The following SYT13 variants were observed in gnomAD, a reference collection of about 807,000 sequenced individuals.
SYT13 encodes the protein synaptotagmin-13.
Under a neutral mutation model 38.6 loss-of-function variants are expected in SYT13, and 21 were observed. That is an observed-to-expected ratio of 0.54 (90% confidence interval 0.39 to 0.78). SYT13 has a LOEUF of 0.78. Among genes scored for constraint, SYT13 ranks in the 30% least tolerant of loss-of-function variants. The pLI, the probability that SYT13 is intolerant of heterozygous loss-of-function variation, is 0.00. For missense variants in SYT13, 495 were observed against 548.7 expected (o/e 0.90, Z 0.98); for synonymous variants, 241 against 237.6 (o/e 1.01, Z -0.13).
chr11:45,269,245 C>T lies in SYT13; in HGVS notation c.184-13354G>A, dbSNP rs183557795. On this transcript the variant is annotated intron_variant, in intron 1 of 5. Coordinates refer to ENST00000020926, the MANE Select transcript of SYT13 (RefSeq NM_020826.3). Reference sequence around the variant, plus strand: ...GTCCGCAGGTGCAATACAGCTAAAACCCAATGAGAGGAGGAGGGTGAATGT... The same window carrying T: ...GTCCGCAGGTGCAATACAGCTAAAATCCAATGAGAGGAGGAGGGTGAATGT... 5.7e-4 allele frequency among the ~76,000 whole-genome samples: 87 copies of T among 152,252 alleles called. No individual in the cohort carries two copies. The Middle Eastern group carries it at 0.014, about 24-fold the overall frequency.
At chr11:45,276,845 A>G (rs1272871377) in intron 1 of SYT13, among the ~76,000 whole-genome samples, 1 of 152,200 alleles carries the variant, frequency 6.6e-6, no homozygotes, top group Non-Finnish European at 1.5e-5. Context: ...CAGTTTAGCG[A>G]TTCCTCAAAA....
intron 1 of SYT13, among the ~76,000 whole-genome samples, chr11:45,281,645 C>T (rs182152521): frequency 5.8e-4 from 84 of 144,830 alleles, no homozygotes; most frequent in African/African-American, 1.6e-3. Flanking sequence ...CCATCCTGGG[C>T]GACAGAGTGA....
chr11:45,264,066 T>C (rs1420451892), intron 1 of SYT13, among the ~76,000 whole-genome samples: 1 of 152,198 alleles, frequency 6.6e-6, no homozygotes, highest in Non-Finnish European at 1.5e-5. Context: ...GATGAACTAC[T>C]TTTTGTTGTT....
Position 45,241,447 on chromosome 11 carries a change from C to A in SYT13, c.*2605G>T, listed in dbSNP as rs1438814421. The A allele has an allele frequency of 6.6e-6, 1 of 152,088 alleles. No homozygotes were observed. The highest frequency in any genetic ancestry group is 1.5e-5 in the Non-Finnish European group (1 of 68,042). 9.4% of individuals were successfully genotyped at this position (152,088 alleles called of 1,614,324 possible). On this transcript the variant is annotated 3_prime_UTR_variant, in exon 6 of 6. Coordinates refer to ENST00000020926, the MANE Select transcript of SYT13 (RefSeq NM_020826.3). Reference sequence around the variant, plus strand: ...AGATGTTCTGTGGCGGAACCTGGCCCCCATCAGGGGCAACCTTTAATTTGG... The same window carrying A: ...AGATGTTCTGTGGCGGAACCTGGCCACCATCAGGGGCAACCTTTAATTTGG...
At chr11:45,268,691 C>T (rs965697286) in intron 1 of SYT13, among the ~76,000 whole-genome samples, 9 of 152,126 alleles carry the variant, frequency 5.9e-5, no homozygotes, top group African/African-American at 9.7e-5. Flanking sequence ...ACTGTGGAGC[C>T]CACAGGCTTT....
In SYT13 at chr11:45,286,178, C is replaced by A; in HGVS notation, c.30G>T (p.Leu10=). The A allele has an allele frequency of 6.3e-7, 1 of 1,577,686 alleles. No individual in the cohort carries two copies. The highest frequency in any genetic ancestry group is 8.6e-7 in the Non-Finnish European group (1 of 1,165,794). The change falls in exon 1 of 6, where the codon CTG becomes CTT. Residue 10 remains leucine (L), a synonymous_variant. Transcript: ENST00000020926. Reference sequence around the variant, plus strand: ...TGGTGGCTGTGCCCAGCGTGGCGCCCAGCGCGATCACAGGCACCGACAGCA... The same window carrying A: ...TGGTGGCTGTGCCCAGCGTGGCGCCAAGCGCGATCACAGGCACCGACAGCA... MVLSVPVIA[L]GATLGTATSI... is the part of the protein sequence containing the mutation.
intron 2 of SYT13, among the ~76,000 whole-genome samples, chr11:45,255,161 C>A (rs780771309): frequency 6.6e-6 from 1 of 152,016 alleles, no homozygotes. Context: ...CAACAAAAAA[C>A]CCAATATGTT....
chr11:45,273,814 ACTG>A (rs1391624583), intron 1 of SYT13, among the ~76,000 whole-genome samples: 4 of 152,256 alleles, frequency 2.6e-5, no homozygotes, highest in Non-Finnish European at 5.9e-5. Context: ...CGTCTGGAAT[ACTG>A]TTAATGAATT....
chr11:45,283,976 A>G (rs1053123230), intron 1 of SYT13, among the ~76,000 whole-genome samples: 1 of 152,254 alleles, frequency 6.6e-6, no homozygotes, highest in Admixed American at 6.5e-5. Context: ...AGAGAATAAC[A>G]GGAAGAGGGT....
chr11:45,267,132 A>G (rs548717106), intron 1 of SYT13, among the ~76,000 whole-genome samples: 94 of 152,364 alleles, frequency 6.2e-4, no homozygotes, highest in African/African-American at 2.2e-3. Context: ...CTGAGTCCGT[A>G]GAGTTCAGTT....
Position 45,241,333 on chromosome 11 carries a change from T to C in SYT13, c.*2719A>G, listed in dbSNP as rs945859525. On this transcript the variant is annotated 3_prime_UTR_variant, in exon 6 of 6. Coordinates refer to ENST00000020926, the MANE Select transcript of SYT13 (RefSeq NM_020826.3). ...ATGAGACAGCTTTATCCCAGGCACT[T>C]AGAATACAGTGAACATAACAGACAA... 1 of 152,208 alleles carries C rather than the reference T, an allele frequency of 6.6e-6. No homozygotes were observed. Among genetic ancestry groups the C allele is most frequent in the African/African-American group, 2.4e-5 (1 of 41,454 alleles). The allele number at this position is 152,208 out of a possible 1,614,324, so 9.4% of individuals were successfully genotyped here. A position where few individuals can be genotyped will look rare whatever the true frequency, so the allele number is the denominator to read the frequency against.
chr11:45,271,144 C>T (rs956498733), intron 1 of SYT13, among the ~76,000 whole-genome samples: 2 of 152,216 alleles, frequency 1.3e-5, no homozygotes, highest in African/African-American at 4.8e-5. Flanking sequence ...AGCATTCTTT[C>T]CTGCTGAGCT....
chr11:45,246,638 C>T (rs1381290995), intron 4 of SYT13, 126 bp from the exon 5 acceptor site: 39 of 1,369,584 alleles, frequency 2.8e-5, no homozygotes, highest in Middle Eastern at 3.7e-4. Flanking sequence ...ACCATTTACC[C>T]GTCAATGCTG....
intron 1 of SYT13, among the ~76,000 whole-genome samples, chr11:45,267,391 G>C (rs1271105035): frequency 6.6e-6 from 1 of 152,176 alleles, no homozygotes; most frequent in Non-Finnish European, 1.5e-5. Flanking sequence ...TCAGGGAAAC[G>C]GGACTGTCAG....
chr11:45,263,786 G>A lies in SYT13; in HGVS notation c.184-7895C>T, dbSNP rs181131293. 3.3e-5 allele frequency among the ~76,000 whole-genome samples: 5 copies of A among 152,330 alleles called. No homozygotes were observed. In the East Asian group the frequency reaches 5.8e-4, roughly 18 times the overall value. On this transcript the variant is annotated intron_variant, in intron 1 of 5. Transcript: ENST00000020926. The stretch of plus-strand genomic sequence containing the variant: ...GGCTCTAAAACAAGACAGCTTAGTT[G>A]GAGTCTGGGCTCTGTCAATTACTTG...
chr11:45,252,753 G>A lies in SYT13; in HGVS notation c.545-31C>T. The stretch of plus-strand genomic sequence containing the variant: ...GGCAAGGAGAACAACACAGGCGTGG[G>A]ACTTTCTGAGGACAAGTGGAGGGGG... On this transcript the variant is annotated intron_variant, in intron 3 of 5. Transcript: ENST00000020926. The surrounding 1 kb of genome is among the most constrained non-coding windows in gnomAD (Gnocchi z 4.3). 1.3e-6 allele frequency: 2 copies of A among 1,528,674 alleles called. No homozygotes were observed. Among genetic ancestry groups the A allele is most frequent in the South Asian group, 1.3e-5 (1 of 77,660 alleles). The allele number at this position is 1,528,674 out of a possible 1,614,324, so 94.7% of individuals were successfully genotyped here.
At chr11:45,267,159 G>A (rs1433371696) in intron 1 of SYT13, among the ~76,000 whole-genome samples, 1 of 152,176 alleles carries the variant, frequency 6.6e-6, no homozygotes, top group Non-Finnish European at 1.5e-5. Context: ...CAAAAGTCTT[G>A]GCCCGCTAGG....
In SYT13 at chr11:45,243,862, C is replaced by T. The variant is rs1441228663; in HGVS notation, c.*190G>A. On this transcript the variant is annotated 3_prime_UTR_variant, in exon 6 of 6. Transcript: ENST00000020926. ...GAGCAAAATGCATTCCTCAGTGTGA[C>T]CCGCATATTCCATTTCCTGCTCTGT... 25 of 618,540 alleles carry T rather than the reference C, an allele frequency of 4.0e-5. No individual in the cohort carries two copies. Among genetic ancestry groups the T allele is most frequent in the Non-Finnish European group, 2.8e-6 (1 of 358,394 alleles). 38.3% of individuals were successfully genotyped at this position (618,540 alleles called of 1,614,324 possible).
chr11:45,259,351 T>C (rs1334606142), intron 1 of SYT13, among the ~76,000 whole-genome samples: 2 of 152,206 alleles, frequency 1.3e-5, no homozygotes, highest in Non-Finnish European at 2.9e-5. Flanking sequence ...GGGCTGGGCT[T>C]CATTCCCAGT....
Sources: gnomAD v4.1 joint callset for allele counts (sites outside exome capture counted in the v4.1 genomes callset) on GRCh38, gnomAD v4.1.1 for gene constraint, Gnocchi (gnomAD v3.1) non-coding constraint, MANE v1.5 for transcripts, NCBI Gene and HGNC (gene_info 2026-07-23, HGNC 2026-07-21) for gene names.